PLCE1: variants seen among roughly 807,000 people sequenced by gnomAD.
PLCE1 encodes the protein 1-phosphatidylinositol 4,5-bisphosphate phosphodiesterase epsilon-1.
Under a neutral mutation model 242.8 loss-of-function variants are expected in PLCE1, and 119 were observed. That is an observed-to-expected ratio of 0.49 (90% CI 0.42 to 0.57). The LOEUF is 0.57. PLCE1 is among the 20% of genes least tolerant of loss of function. The pLI is 0.00. For synonymous variants in PLCE1, 945 were observed against 1,017.4 expected (o/e 0.93, Z 1.35); for missense variants, 2,441 against 2,788.8 (o/e 0.88, Z 2.81).
intron 22 of PLCE1, among the ~76,000 whole-genome samples, chr10:94,286,250 G>A (rs1349818130): frequency 6.6e-6 from 1 of 152,126 alleles, no homozygotes; most frequent in Non-Finnish European, 1.5e-5. Context: ...TTCAAGATGG[G>A]CTGAACTCAG....
intron 1 of PLCE1, among the ~76,000 whole-genome samples, chr10:94,028,639 G>A (rs1589878462): frequency 6.6e-6 from 1 of 152,190 alleles, no homozygotes; most frequent in East Asian, 1.9e-4. Flanking sequence ...TATTGAGTGA[G>A]AATTACACAA....
chr10:94,188,087 A>G (rs1210957030), intron 4 of PLCE1, among the ~76,000 whole-genome samples: 1 of 152,002 alleles, frequency 6.6e-6, no homozygotes, highest in Non-Finnish European at 1.5e-5. Context: ...CAGCACCATA[A>G]TTCATGTTAT....
intron 4 of PLCE1, among the ~76,000 whole-genome samples, chr10:94,209,318 G>C (rs2049261515): frequency 6.6e-6 from 1 of 152,110 alleles, no homozygotes; most frequent in South Asian, 2.1e-4. Flanking sequence ...TGCCAATTTT[G>C]TTTCAGATAA....
chr10:94,308,267 CAG>C (rs2053272084), intron 26 of PLCE1, among the ~76,000 whole-genome samples: 1 of 152,194 alleles, frequency 6.6e-6, no homozygotes, highest in South Asian at 2.1e-4. Context: ...ATTTGTAAAA[CAG>C]GGACTGTTAG....
intron 2 of PLCE1, among the ~76,000 whole-genome samples, chr10:94,087,337 G>A (rs574359834): frequency 3.9e-5 from 5 of 127,264 alleles, no homozygotes; most frequent in African/African-American, 9.5e-5. Flanking sequence ...ATGACAGAGC[G>A]AGACCCTGTC....
intron 2 of PLCE1, among the ~76,000 whole-genome samples, chr10:94,047,023 A>G (rs1337081977): frequency 6.6e-6 from 1 of 152,212 alleles, no homozygotes; most frequent in Non-Finnish European, 1.5e-5. Flanking sequence ...TAAAATAAAA[A>G]ACCTTTTAAA....
chr10:94,167,690 C>T (rs1448846338), intron 3 of PLCE1, among the ~76,000 whole-genome samples: 1 of 123,704 alleles, frequency 8.1e-6, no homozygotes, highest in Non-Finnish European at 1.6e-5. Context: ...CCACAACAGT[C>T]CCCGGTGTGT....
At chr10:94,309,121 C>T (rs986088107) in intron 27 of PLCE1, among the ~76,000 whole-genome samples, 1 of 152,182 alleles carries the variant, frequency 6.6e-6, no homozygotes, top group Non-Finnish European at 1.5e-5. Flanking sequence ...CTTCTAGAAA[C>T]TTTAGGTTAA....
At chr10:94,269,098 T>A in intron 17 of PLCE1, 62 bp downstream of exon 17, 5 of 534,242 alleles carry the variant, frequency 9.4e-6, no homozygotes, top group Admixed American at 3.1e-5. Flanking sequence ...ATTTGTCTTT[T>A]TTTTTTTTTT....
intron 17 of PLCE1, among the ~76,000 whole-genome samples, chr10:94,269,302 A>G (rs953226992): frequency 6.6e-6 from 1 of 151,666 alleles, no homozygotes; most frequent in African/African-American, 2.4e-5. Flanking sequence ...GGGTTTCACC[A>G]CGTTGGCCAG....
rs528320731 is a variant in PLCE1 at position 94,318,909 on chromosome 10, G to A, written c.6342+2153G>A. Among the ~76,000 whole-genome samples the A allele has an allele frequency of 2.0e-4, 31 of 152,252 alleles. 1 individual carries two copies. The South Asian group carries it at 3.7e-3, about 18-fold the overall frequency. On this transcript the variant is annotated intron_variant, in intron 29 of 32. Coordinates refer to ENST00000371380, the MANE Select transcript of PLCE1 (RefSeq NM_016341.4). ...CTAAAAATACAAAAATTAGCAGGGC[G>A]TGGTAGCAGGCACCTGTAGTCCCAG...
intron 1 of PLCE1, among the ~76,000 whole-genome samples, chr10:94,018,909 CA>C (rs1317249419): frequency 2.0e-5 from 3 of 152,100 alleles, no homozygotes; most frequent in African/African-American, 7.2e-5. Flanking sequence ...CTACACAAAA[CA>C]GTAAGTGTAC....
At chr10:94,116,804 G>T (rs932573335) in intron 2 of PLCE1, among the ~76,000 whole-genome samples, 7 of 152,180 alleles carry the variant, frequency 4.6e-5, no homozygotes, top group African/African-American at 1.2e-4. Flanking sequence ...GCCAGTAATG[G>T]CCATGCCCTT....
chr10:94,007,785 A>G (rs148728417), intron 1 of PLCE1, among the ~76,000 whole-genome samples: 2,233 of 143,452 alleles, frequency 0.016, 26 homozygotes, highest in African/African-American at 0.032. Context: ...AGTTACACAC[A>G]TGCACATGCA....
At chr10:94,128,083 G>A (rs994130628) in intron 2 of PLCE1, among the ~76,000 whole-genome samples, 1 of 151,754 alleles carries the variant, frequency 6.6e-6, no homozygotes, top group Non-Finnish European at 1.5e-5. Flanking sequence ...CGCCTCCTGG[G>A]TTCAAGTGAT....
At chr10:94,126,787 T>C (rs184826042) in intron 2 of PLCE1, among the ~76,000 whole-genome samples, 17 of 152,362 alleles carry the variant, frequency 1.1e-4, no homozygotes, top group Non-Finnish European at 2.1e-4. Flanking sequence ...TAGACTTAAC[T>C]TGACTATTTT....
intron 11 of PLCE1, among the ~76,000 whole-genome samples, chr10:94,257,470 C>T (rs549618691): frequency 3.9e-5 from 6 of 152,236 alleles, no homozygotes; most frequent in Middle Eastern, 3.4e-3. Flanking sequence ...CACATGTACA[C>T]GTATGTTTAT....
intron 23 of PLCE1, among the ~76,000 whole-genome samples, chr10:94,297,315 AGG>A (rs1482778283): frequency 1.3e-5 from 2 of 152,102 alleles, no homozygotes; most frequent in African/African-American, 4.8e-5. Flanking sequence ...AGATGGGTGA[AGG>A]GCTGGTGGGT....
At position 94,085,780 on chromosome 10, in the gene PLCE1, T is replaced by G. The variant is rs1001625076; in HGVS notation, c.1207-46394T>G. On this transcript the variant is annotated intron_variant, in intron 2 of 32. Coordinates refer to ENST00000371380, the MANE Select transcript of PLCE1 (RefSeq NM_016341.4). ...CACTAGCAGGGGCAGGATGGGAAACTGTAGTAGCCTGTCACGAGCAGGCTG... is the reference window on the plus strand; with the variant it reads ...CACTAGCAGGGGCAGGATGGGAAACGGTAGTAGCCTGTCACGAGCAGGCTG... Among the ~76,000 whole-genome samples, 12 of 152,142 alleles carry G rather than the reference T, an allele frequency of 7.9e-5. No homozygotes were observed. The East Asian group carries it at 1.9e-3, about 24-fold the overall frequency.
Sources: allele counts gnomAD v4.1 joint callset (sites outside exome capture counted in the v4.1 genomes callset), GRCh38; gene constraint gnomAD v4.1.1; transcripts MANE v1.5; gene names NCBI Gene and HGNC (gene_info 2026-07-23, HGNC 2026-07-21).